CNBD1: variants seen among roughly 807,000 people sequenced by gnomAD.
CNBD1 encodes the protein cyclic nucleotide-binding domain-containing protein 1.
In CNBD1, 71 loss-of-function variants were observed where a neutral mutation model predicts 54.4. That is an observed-to-expected ratio of 1.30 (90% confidence interval 1.08 to 1.59). CNBD1 has a LOEUF of 1.59. Ranked by LOEUF, CNBD1 falls within the 40% of genes most tolerant of loss-of-function variation. The probability of loss-of-function intolerance (pLI) is 0.00; values close to 1 mark genes in which losing one functional copy is unlikely to be tolerated. For synonymous variants in CNBD1, 182 were observed against 170.7 expected, an observed-to-expected ratio of 1.07 and a Z score of -0.51; for missense variants, 659 against 518.0, an observed-to-expected ratio of 1.27 and a Z score of -2.64.
chr8:87,062,165 T>C (rs545066865), intron 4 of CNBD1, among the ~76,000 whole-genome samples: 1 of 152,330 alleles, frequency 6.6e-6, no homozygotes, highest in Non-Finnish European at 1.5e-5. Flanking sequence ...AGGGTTACTT[T>C]CAATTTCTAT....
intron 6 of CNBD1, among the ~76,000 whole-genome samples, chr8:87,274,754 G>A (rs13263109): frequency 0.57 from 68,021 of 118,962 alleles, 24,404 homozygotes; most frequent in Non-Finnish European, 0.66. Flanking sequence ...CTTTTGCTGT[G>A]CAGAAGCTCT....
At chr8:87,426,908 G>C (rs1437356746) in intron 2 of CNBD1, among the ~76,000 whole-genome samples, 2 of 152,112 alleles carry the variant, frequency 1.3e-5, no homozygotes, top group African/African-American at 4.8e-5. Flanking sequence ...TTATAGGTGT[G>C]GATAAACCAA....
At chr8:87,323,345 G>A (rs1422129995) in intron 8 of CNBD1, among the ~76,000 whole-genome samples, 3 of 135,574 alleles carry the variant, frequency 2.2e-5, no homozygotes, top group African/African-American at 8.4e-5. Context: ...TGTGAAGAAA[G>A]TCATTGGTAG....
At chr8:87,299,916 C>A (rs921922885) in intron 8 of CNBD1, among the ~76,000 whole-genome samples, 7 of 152,090 alleles carry the variant, frequency 4.6e-5, no homozygotes, top group African/African-American at 1.7e-4. Flanking sequence ...TTTTCTCCTT[C>A]CACATATAAC....
chr8:87,095,741 T>G (rs543633076), intron 4 of CNBD1, among the ~76,000 whole-genome samples: 1 of 152,184 alleles, frequency 6.6e-6, no homozygotes, highest in Non-Finnish European at 1.5e-5. Flanking sequence ...CACTGAAAGC[T>G]CTGCCTCCTG....
At chr8:86,966,945 G>T (rs1165465386) in intron 4 of CNBD1, among the ~76,000 whole-genome samples, 1 of 152,182 alleles carries the variant, frequency 6.6e-6, no homozygotes, top group East Asian at 1.9e-4. Flanking sequence ...GAGCTGATCA[G>T]TCCATTTTAC....
At chr8:87,404,992 G>A (rs533385579) in intron 2 of CNBD1, among the ~76,000 whole-genome samples, 4 of 151,868 alleles carry the variant, frequency 2.6e-5, no homozygotes, top group Non-Finnish European at 4.4e-5. Context: ...GTTATAACTG[G>A]GAAGCAGCAA....
Position 87,146,918 on chromosome 8 carries a change from A to G in CNBD1, c.432-59075A>G, listed in dbSNP as rs139974498. On this transcript the variant is annotated intron_variant, in intron 4 of 10. Coordinates refer to ENST00000518476, the MANE Select transcript of CNBD1 (RefSeq NM_173538.3). ...TCTATGATTTAAAAATACATTAAAG[A>G]CACAAATCAAATTATGTTCATTATC... Among the ~76,000 whole-genome samples, 187 of 152,270 alleles carry G rather than the reference A, an allele frequency of 1.2e-3. 1 individual carries two copies. Among genetic ancestry groups the G allele is most frequent in the Non-Finnish European group, 1.8e-3 (120 of 67,996 alleles).
At chr8:87,278,615 A>G (rs1048975516) in intron 6 of CNBD1, among the ~76,000 whole-genome samples, 1 of 151,604 alleles carries the variant, frequency 6.6e-6, no homozygotes. Flanking sequence ...CAAAGAGTAA[A>G]GAAAGATCTC....
chr8:87,044,425 T>A (rs1459111129), intron 4 of CNBD1: 1 of 152,136 alleles, frequency 6.6e-6, no homozygotes, highest in Non-Finnish European at 1.5e-5. Flanking sequence ...TGTGGTCTCA[T>A]GACCGAGAAT....
intron 2 of CNBD1, among the ~76,000 whole-genome samples, chr8:87,395,570 A>T (rs2130973017): frequency 6.6e-6 from 1 of 152,068 alleles, no homozygotes; most frequent in East Asian, 1.9e-4. Flanking sequence ...CAGTGGTACT[A>T]AACCTTTGTG....
chr8:87,053,449 C>G (rs552815228), intron 4 of CNBD1, among the ~76,000 whole-genome samples: 1 of 152,248 alleles, frequency 6.6e-6, no homozygotes, highest in South Asian at 2.1e-4. Context: ...GTTTTTTACC[C>G]ATCTAGAAAG....
chr8:87,124,015 T>C (rs1811945088), intron 4 of CNBD1, among the ~76,000 whole-genome samples: 1 of 151,606 alleles, frequency 6.6e-6, no homozygotes, highest in Non-Finnish European at 1.5e-5. Flanking sequence ...AAAACATCCT[T>C]GATTGGATGG....
At chr8:87,301,045 A>C (rs1808977805) in intron 8 of CNBD1, among the ~76,000 whole-genome samples, 1 of 152,136 alleles carries the variant, frequency 6.6e-6, no homozygotes, top group Admixed American at 6.6e-5. Context: ...GAAATACAGA[A>C]GATCACTCAA....
At position 87,145,094 on chromosome 8, in the gene CNBD1, T is replaced by G. The variant is rs547339721; in HGVS notation, c.432-60899T>G. 5.9e-5 allele frequency among the ~76,000 whole-genome samples: 9 copies of G among 152,266 alleles called. No individual in the cohort carries two copies. In the South Asian group the frequency reaches 1.7e-3, roughly 28 times the overall value. On this transcript the variant is annotated intron_variant, in intron 4 of 10. Coordinates refer to ENST00000518476, the MANE Select transcript of CNBD1 (RefSeq NM_173538.3). ...TGATATTCCAGAAGTAACAAAAAATTTATAGCATATGCTATTAAGGTGTCA... is the reference window on the plus strand; with the variant it reads ...TGATATTCCAGAAGTAACAAAAAATGTATAGCATATGCTATTAAGGTGTCA...
chr8:87,127,941 C>T (rs912951544), intron 4 of CNBD1, among the ~76,000 whole-genome samples: 8 of 152,026 alleles, frequency 5.3e-5, no homozygotes, highest in Admixed American at 4.6e-4. Context: ...CTATCCTGTA[C>T]CCATATAAAC....
chr8:87,393,795 G>C (rs925773469), intron 2 of CNBD1, among the ~76,000 whole-genome samples: 3 of 151,792 alleles, frequency 2.0e-5, no homozygotes, highest in African/African-American at 4.8e-5. Context: ...ACTTCTTCTA[G>C]GCTTCAAAAC....
Position 87,071,736 on chromosome 8 carries a change from G to GA in CNBD1, c.431+131983dup, listed in dbSNP as rs1412137599. 2.0e-5 allele frequency among the ~76,000 whole-genome samples: 3 copies of GA among 152,118 alleles called. No homozygotes were observed. In the South Asian group the frequency reaches 6.2e-4, roughly 31 times the overall value. ...AGGAATATTTTACTCCTGATTATGT[G>GA]ATCAGTTTTAGAGTAAGTGTCATGT... On this transcript the variant is annotated intron_variant, in intron 4 of 10. Transcript: ENST00000518476.
At chr8:87,351,549 C>A in intron 8 of CNBD1, 136 bp from the exon 9 acceptor site, 1 of 763,392 alleles carries the variant, frequency 1.3e-6, no homozygotes, top group Non-Finnish European at 1.9e-6. Context: ...TAAGTACTGT[C>A]TATAAACTGG....
Sources: gnomAD v4.1 joint callset for allele counts (sites outside exome capture counted in the v4.1 genomes callset) on GRCh38, gnomAD v4.1.1 for gene constraint, MANE v1.5 for transcripts, NCBI Gene and HGNC (gene_info 2026-07-23, HGNC 2026-07-21) for gene names.